The following ABCC4 variants were observed in gnomAD, a reference collection of about 807,000 sequenced individuals.
The protein encoded by ABCC4 is ATP-binding cassette sub-family C member 4.
ABCC4 carries 102 observed loss-of-function variants against 168.5 expected under a neutral mutation model. That is an observed-to-expected ratio of 0.61 (90% confidence interval 0.52 to 0.71). The LOEUF (loss-of-function observed/expected upper bound fraction) is 0.71. Ranked by LOEUF, ABCC4 falls within the 30% of genes least tolerant of loss-of-function variation. The pLI is 0.00. For synonymous variants in ABCC4, 617 were observed against 590.7 expected (o/e 1.04, Z -0.65); for missense variants, 1,402 against 1,605.8 (o/e 0.87, Z 2.17).
intron 1 of ABCC4, among the ~76,000 whole-genome samples, chr13:95,295,978 A>C (rs1029224878): frequency 6.6e-6 from 1 of 151,582 alleles, no homozygotes; most frequent in African/African-American, 2.4e-5. Context: ...AAAAAAAAAA[A>C]AACACTTTAG....
chr13:95,252,025 GTCA>G (rs1390236598), intron 1 of ABCC4, among the ~76,000 whole-genome samples: 1 of 152,064 alleles, frequency 6.6e-6, no homozygotes, highest in Non-Finnish European at 1.5e-5. Flanking sequence ...CCCACCTTTA[GTCA>G]TTTAGTAGCC....
intron 4 of ABCC4, among the ~76,000 whole-genome samples, chr13:95,219,874 C>T (rs943271956): frequency 1.3e-5 from 2 of 150,878 alleles, no homozygotes; most frequent in African/African-American, 4.9e-5. Context: ...TTTTTCCCCC[C>T]GAGACAGTTT....
intron 1 of ABCC4, among the ~76,000 whole-genome samples, chr13:95,298,816 C>G (rs973132851): frequency 6.6e-6 from 1 of 152,154 alleles, no homozygotes; most frequent in African/African-American, 2.4e-5. Context: ...CTTAACCACT[C>G]TCAGCTTAAG....
chr13:95,132,942 T>A (rs2036021191), intron 19 of ABCC4, among the ~76,000 whole-genome samples: 1 of 151,974 alleles, frequency 6.6e-6, no homozygotes, highest in South Asian at 2.1e-4. Flanking sequence ...TAGTGTTTAA[T>A]GGGTCCTGGG....
chr13:95,064,297 T>TATATATATATATATATATACAC (rs1555306881), intron 25 of ABCC4, among the ~76,000 whole-genome samples: 11 of 105,260 alleles, frequency 1.0e-4, no homozygotes, highest in Non-Finnish European at 1.8e-4. Context: ...TATATATATA[T>TATATATATATATATATATACAC]ACACACACAC....
At chr13:95,058,594 A>AAAAAAAAAAAAAAAAAAAAAAG (rs2033163283) in intron 26 of ABCC4, among the ~76,000 whole-genome samples, 4 of 41,420 alleles carry the variant, frequency 9.7e-5, no homozygotes, top group Admixed American at 3.2e-4. Context: ...AAAAAAAAAG[A>AAAAAAAAAAAAAAAAAAAAAAG]AAAGAAAAAG....
At position 95,235,563 on chromosome 13, in the gene ABCC4, C is replaced by T. The variant is rs539673743; in HGVS notation, c.307-729G>A. 1.3e-3 allele frequency among the ~76,000 whole-genome samples: 194 copies of T among 152,350 alleles called. 4 individuals are homozygous for T. Among genetic ancestry groups the T allele is most frequent in the South Asian group, 2.5e-3 (12 of 4,834 alleles). ...CAGGCTCGTCTATGGGAGGCCAGCA[C>T]TCTTGCCACCTTCTTCACAGTTAAG... On this transcript the variant is annotated intron_variant, in intron 3 of 30. Coordinates refer to ENST00000645237, the MANE Select transcript of ABCC4 (RefSeq NM_005845.5).
At chr13:95,196,926 C>T (rs966883573) in intron 8 of ABCC4, among the ~76,000 whole-genome samples, 3 of 152,128 alleles carry the variant, frequency 2.0e-5, no homozygotes, top group African/African-American at 7.2e-5. Flanking sequence ...TAATAACCAC[C>T]ATGCTTCAAA....
At chr13:95,179,012 G>A (rs1438960194) in intron 11 of ABCC4, among the ~76,000 whole-genome samples, 1 of 152,178 alleles carries the variant, frequency 6.6e-6, no homozygotes, top group Non-Finnish European at 1.5e-5. Flanking sequence ...GGGGAAATGA[G>A]GGACGCAGAT....
intron 1 of ABCC4, among the ~76,000 whole-genome samples, chr13:95,273,549 C>T (rs771265079): frequency 3.9e-5 from 6 of 152,152 alleles, no homozygotes; most frequent in Non-Finnish European, 8.8e-5. Flanking sequence ...GCCTTCTGTT[C>T]CATGGGGACT....
intron 20 of ABCC4, 151 bp downstream of exon 20, chr13:95,115,771 C>T (rs1594120622): frequency 9.1e-6 from 6 of 660,820 alleles, no homozygotes; most frequent in Non-Finnish European, 8.0e-6. Context: ...GAGTTATAAC[C>T]GCACCTTTCT....
chr13:95,071,856 G>A lies in ABCC4; in HGVS notation c.3019-3C>T. ...ATGACCCTTTCTACTGAGATCATCTGAAAGAAATATGACATCCCGAGGGGT... is the reference window on the plus strand; with the variant it reads ...ATGACCCTTTCTACTGAGATCATCTAAAAGAAATATGACATCCCGAGGGGT... On this transcript the variant is annotated splice_region_variant and splice_polypyrimidine_tract_variant and intron_variant, in intron 24 of 30. Transcript: ENST00000645237. 2.0e-6 allele frequency: 3 copies of A among 1,524,072 alleles called. No individual in the cohort carries two copies. The highest frequency in any genetic ancestry group is 2.7e-5 in the South Asian group (2 of 74,334). The allele number at this position is 1,524,072 out of a possible 1,614,324, so 94.4% of individuals were successfully genotyped here. A position where few individuals can be genotyped will look rare whatever the true frequency, so the allele number is the denominator to read the frequency against.
At chr13:95,125,238 G>C (rs1030136972) in intron 19 of ABCC4, among the ~76,000 whole-genome samples, 1 of 152,072 alleles carries the variant, frequency 6.6e-6, no homozygotes, top group African/African-American at 2.4e-5. Flanking sequence ...CTACTTTACT[G>C]GACACATTTG....
intron 4 of ABCC4, among the ~76,000 whole-genome samples, chr13:95,218,983 AAGAGTGAGAAAGAAAGAAAGAGTG>A (rs2039228066): frequency 9.1e-5 from 1 of 11,030 alleles, no homozygotes; most frequent in Non-Finnish European, 2.5e-4. Flanking sequence ...GAAAGAAAGA[AAGAGTGAGAAAGAAAGAAAGAGTG>A]AGAAAGAAAG....
rs77376828 is a variant in ABCC4 at position 95,182,816 on chromosome 13, C to A, written c.1545+3885G>T. Among the ~76,000 whole-genome samples, 390 of 152,306 alleles carry A rather than the reference C, an allele frequency of 2.6e-3. 2 individuals carry two copies. The highest frequency in any genetic ancestry group is 4.9e-3 in the Non-Finnish European group (331 of 68,030). Reference sequence around the variant, plus strand: ...CCAAGGCCTCGGATTTTAACTACTACCCACTAAAGTATCTAACATTAGTAT... The same window carrying A: ...CCAAGGCCTCGGATTTTAACTACTAACCACTAAAGTATCTAACATTAGTAT... On this transcript the variant is annotated intron_variant, in intron 11 of 30. Coordinates refer to ENST00000645237, the MANE Select transcript of ABCC4 (RefSeq NM_005845.5).
In ABCC4 at chr13:95,115,972, T is replaced by C. The variant is rs374304122; in HGVS notation, c.2485A>G (p.Ile829Val). ...GGCAGCAAATCATCCAAGTGTCCAATGTCTTTGGAGAAACGATTTAAAATT... is the reference window on the plus strand; with the variant it reads ...GGCAGCAAATCATCCAAGTGTCCAACGTCTTTGGAGAAACGATTTAAAATT... ...GRILNRFSKDIGHLDDLLPLT... is the reference protein window; with the variant it reads ...GRILNRFSKDVGHLDDLLPLT... The change falls in exon 20 of 31, where the codon ATT becomes GTT. Residue 829 changes from isoleucine (I) to valine (V), a missense_variant. Ile to Val is a conservative substitution (Grantham distance 29). Coordinates refer to ENST00000645237, the MANE Select transcript of ABCC4 (RefSeq NM_005845.5). 3 of 1,613,668 alleles carry C rather than the reference T, an allele frequency of 1.9e-6. No individual in the cohort carries two copies. Among genetic ancestry groups the C allele is most frequent in the African/African-American group, 1.3e-5 (1 of 75,026 alleles).
intron 1 of ABCC4, among the ~76,000 whole-genome samples, chr13:95,291,071 A>G (rs2041393111): frequency 6.6e-6 from 1 of 151,316 alleles, no homozygotes; most frequent in African/African-American, 2.4e-5. Flanking sequence ...ATGACTGCCC[A>G]GGCTGGGCAT....
intron 9 of ABCC4, among the ~76,000 whole-genome samples, chr13:95,193,614 T>C (rs771677050): frequency 7.9e-5 from 12 of 152,206 alleles, no homozygotes; most frequent in Non-Finnish European, 2.9e-5. Context: ...CTGAGACAAG[T>C]GCATTTGCAG....
In ABCC4 at chr13:95,045,240, C is replaced by T. The variant is rs189275850; in HGVS notation, c.3457-802G>A. On this transcript the variant is annotated intron_variant, in intron 27 of 30. Coordinates refer to ENST00000645237, the MANE Select transcript of ABCC4 (RefSeq NM_005845.5). ...AGTTTCCCAAAGCACATTTTGGAGA[C>T]GAGTGAGTATAACTCAAGGGAAAAT... Among the ~76,000 whole-genome samples the T allele has an allele frequency of 2.5e-4, 38 of 152,176 alleles. No individual in the cohort carries two copies. In the East Asian group the frequency reaches 4.1e-3, roughly 16 times the overall value.
Sources: allele counts gnomAD v4.1 joint callset (sites outside exome capture counted in the v4.1 genomes callset), GRCh38; gene constraint gnomAD v4.1.1; transcripts MANE v1.5; gene names NCBI Gene and HGNC (gene_info 2026-07-23, HGNC 2026-07-21).